CRYL1: variants seen among roughly 807,000 people sequenced by gnomAD.
CRYL1 encodes lambda-crystallin homolog.
CRYL1 carries 29 observed loss-of-function variants against 36.6 expected under a neutral mutation model. The ratio of observed to expected loss-of-function variants is 0.79; its 90% CI spans 0.59 to 1.08. CRYL1 has a LOEUF of 1.08. CRYL1 is among the 50% of genes least tolerant of loss of function. The pLI is 0.00. For missense variants in CRYL1, 411 were observed against 407.9 expected (o/e 1.01, Z -0.06); for synonymous variants, 152 against 151.5 (o/e 1.00, Z -0.02).
At chr13:20,471,783 C>T (rs190598892) in intron 3 of CRYL1, among the ~76,000 whole-genome samples, 127 of 151,934 alleles carry the variant, frequency 8.4e-4, no homozygotes, top group African/African-American at 3.0e-3. Context: ...TGCTCAGGTC[C>T]CTGATTTTTT....
chr13:20,497,049 G>A (rs940479462), intron 2 of CRYL1, among the ~76,000 whole-genome samples: 4 of 152,106 alleles, frequency 2.6e-5, no homozygotes, highest in Non-Finnish European at 5.9e-5. Context: ...CCTGAGAGAC[G>A]TGGAAAAGGT....
At chr13:20,440,413 G>C (rs536463197) in intron 3 of CRYL1, among the ~76,000 whole-genome samples, 1 of 152,194 alleles carries the variant, frequency 6.6e-6, no homozygotes, top group Non-Finnish European at 1.5e-5. Context: ...ATGAGAAAAG[G>C]CTGCTGGAAA....
At chr13:20,426,898 G>A in intron 5 of CRYL1, 3 of 985,534 alleles carry the variant, frequency 3.0e-6, no homozygotes, top group Non-Finnish European at 3.6e-6. Flanking sequence ...CAGGCCCTAA[G>A]GACAGCAGTC....
At chr13:20,445,607 AAT>A (rs2032435971) in intron 3 of CRYL1, among the ~76,000 whole-genome samples, 1 of 152,250 alleles carries the variant, frequency 6.6e-6, no homozygotes, top group African/African-American at 2.4e-5. Flanking sequence ...ACAAATAGAC[AAT>A]ATTAGGGAAG....
chr13:20,525,720 TC>T lies in CRYL1; in HGVS notation c.41+33del. ...CCACGTCCCCGGCGTCTCCCCGGGCTCCAGGGGCAGCAGCGCGGCTCGGAGC... is the reference window on the plus strand; with the variant it reads ...CCACGTCCCCGGCGTCTCCCCGGGCTCAGGGGCAGCAGCGCGGCTCGGAGC... On this transcript the variant is annotated intron_variant, in intron 1 of 7. Coordinates refer to ENST00000298248, the MANE Select transcript of CRYL1 (RefSeq NM_015974.3). The surrounding 1 kb of genome is among the most constrained non-coding windows in gnomAD (Gnocchi z 4.3). The T allele has an allele frequency of 7.5e-7, 1 of 1,341,556 alleles. No individual in the cohort carries two copies. Among genetic ancestry groups the T allele is most frequent in the Non-Finnish European group, 9.6e-7 (1 of 1,042,610 alleles). 83.1% of individuals were successfully genotyped at this position (1,341,556 alleles called of 1,614,324 possible).
intron 3 of CRYL1, among the ~76,000 whole-genome samples, chr13:20,448,579 A>G (rs2032502732): frequency 6.6e-6 from 1 of 152,250 alleles, no homozygotes; most frequent in Non-Finnish European, 1.5e-5. Flanking sequence ...AAGTCACATT[A>G]TATACATAAA....
chr13:20,480,684 C>A (rs1161884788), intron 3 of CRYL1, among the ~76,000 whole-genome samples: 46 of 152,344 alleles, frequency 3.0e-4, no homozygotes, highest in Non-Finnish European at 4.4e-5. Flanking sequence ...CACTGCAGGG[C>A]CTGCCAGCGC....
chr13:20,485,795 A>T (rs1593478818), intron 3 of CRYL1, among the ~76,000 whole-genome samples: 1 of 152,318 alleles, frequency 6.6e-6, no homozygotes, highest in East Asian at 1.9e-4. Flanking sequence ...CTTCTGATTC[A>T]TTTCATTCTC....
At chr13:20,412,638 A>G (rs2031553467) in intron 6 of CRYL1, among the ~76,000 whole-genome samples, 1 of 152,210 alleles carries the variant, frequency 6.6e-6, no homozygotes, top group African/African-American at 2.4e-5. Context: ...AATCTGGTTG[A>G]CAGAGTTTCA....
intron 2 of CRYL1, among the ~76,000 whole-genome samples, chr13:20,494,136 T>G (rs556613215): frequency 6.6e-6 from 1 of 152,188 alleles, no homozygotes; most frequent in African/African-American, 2.4e-5. Context: ...GAGTCAACAT[T>G]GGTAAAAGAC....
chr13:20,465,212 T>C (rs2032908038), intron 3 of CRYL1, among the ~76,000 whole-genome samples: 1 of 152,170 alleles, frequency 6.6e-6, no homozygotes. Context: ...AGAAGTGGCC[T>C]AAAGGACAGA....
At position 20,525,718 on chromosome 13, in the gene CRYL1, G is replaced by T; in HGVS notation, c.41+36C>A. ...CACCACGTCCCCGGCGTCTCCCCGG[G>T]CTCCAGGGGCAGCAGCGCGGCTCGG... On this transcript the variant is annotated intron_variant, in intron 1 of 7. Coordinates refer to ENST00000298248, the MANE Select transcript of CRYL1 (RefSeq NM_015974.3). The surrounding 1 kb of genome is among the most constrained non-coding windows in gnomAD (Gnocchi z 4.3). The T allele has an allele frequency of 7.5e-7, 1 of 1,339,838 alleles. No homozygotes were observed. The highest frequency in any genetic ancestry group is 1.9e-5 in the South Asian group (1 of 53,562). The allele number at this position is 1,339,838 out of a possible 1,614,324, so 83.0% of individuals were successfully genotyped here.
intron 3 of CRYL1, among the ~76,000 whole-genome samples, chr13:20,441,241 T>C (rs934489203): frequency 6.6e-6 from 1 of 152,208 alleles, no homozygotes; most frequent in Non-Finnish European, 1.5e-5. Context: ...CGGCGTGTCT[T>C]GTTAAAAATG....
At chr13:20,462,064 TGG>T (rs2032834936) in intron 3 of CRYL1, among the ~76,000 whole-genome samples, 1 of 12,542 alleles carries the variant, frequency 8.0e-5, no homozygotes, top group Non-Finnish European at 1.5e-4. Context: ...GACGGCCTGG[TGG>T]GAGGGATGGG....
intron 3 of CRYL1, among the ~76,000 whole-genome samples, chr13:20,448,994 C>G (rs2032511963): frequency 6.6e-6 from 1 of 152,124 alleles, no homozygotes. Flanking sequence ...ATGGTGAAAC[C>G]CTGTCTCTAT....
chr13:20,525,728 C>G lies in CRYL1; in HGVS notation c.41+26G>C, dbSNP rs1481001684. On this transcript the variant is annotated intron_variant, in intron 1 of 7. Coordinates refer to ENST00000298248, the MANE Select transcript of CRYL1 (RefSeq NM_015974.3). This position sits in a 1 kb window ranked among gnomAD's most constrained non-coding sequence, Gnocchi z 4.3. The stretch of plus-strand genomic sequence containing the variant: ...CCGGCGTCTCCCCGGGCTCCAGGGG[C>G]AGCAGCGCGGCTCGGAGCCCTTTAC... The G allele has an allele frequency of 1.5e-6, 2 of 1,346,922 alleles. No homozygotes were observed. The highest frequency in any genetic ancestry group is 9.6e-7 in the Non-Finnish European group (1 of 1,044,942). 83.4% of individuals were successfully genotyped at this position (1,346,922 alleles called of 1,614,324 possible).
chr13:20,425,456 C>G lies in CRYL1; in HGVS notation c.633+6646G>C, dbSNP rs2031912808. 1.3e-5 allele frequency among the ~76,000 whole-genome samples: 2 copies of G among 152,358 alleles called. No individual in the cohort carries two copies. The highest frequency in any genetic ancestry group is 4.1e-4 in the South Asian group (2 of 4,834). On this transcript the variant is annotated intron_variant, in intron 5 of 7. Transcript: ENST00000298248. The surrounding 1 kb of genome is among the most constrained non-coding windows in gnomAD (Gnocchi z 4.4). ...AATGATATTAGTGAAACGGCAGAGCCTCACCGGACTGCCAGAAAAGGACAG... is the reference window on the plus strand; with the variant it reads ...AATGATATTAGTGAAACGGCAGAGCGTCACCGGACTGCCAGAAAAGGACAG...
At chr13:20,453,285 G>C (rs1223956673) in intron 3 of CRYL1, among the ~76,000 whole-genome samples, 1 of 152,160 alleles carries the variant, frequency 6.6e-6, no homozygotes, top group African/African-American at 2.4e-5. Flanking sequence ...GGAAGTCTAT[G>C]AGAAAAGAAT....
chr13:20,515,029 C>T (rs2033977373), intron 1 of CRYL1, among the ~76,000 whole-genome samples: 1 of 152,154 alleles, frequency 6.6e-6, no homozygotes, highest in Non-Finnish European at 1.5e-5. Context: ...GAATGAAATG[C>T]TGACACATGC....
Sources: allele counts gnomAD v4.1 joint callset (sites outside exome capture counted in the v4.1 genomes callset), GRCh38; gene constraint gnomAD v4.1.1; non-coding constraint Gnocchi (gnomAD v3.1); transcripts MANE v1.5; gene names NCBI Gene and HGNC (gene_info 2026-07-23, HGNC 2026-07-21).